FLII: variants seen among roughly 807,000 people sequenced by gnomAD.
FLII encodes FLII actin remodeling protein, also known as protein flightless-1 homolog.
FLII carries 101 observed loss-of-function variants against 156.2 expected under a neutral mutation model. The ratio of observed to expected loss-of-function variants is 0.65; its 90% confidence interval spans 0.55 to 0.76. FLII has a LOEUF of 0.76. Among genes scored for constraint, FLII ranks in the 30% least tolerant of loss-of-function variants. The probability of loss-of-function intolerance (pLI) is 0.00; values close to 1 mark genes in which losing one functional copy is unlikely to be tolerated. For missense variants in FLII, 1,675 were observed against 1,682.8 expected, an observed-to-expected ratio of 1.00 and a Z score of 0.08; for synonymous variants, 767 against 685.8, an observed-to-expected ratio of 1.12 and a Z score of -1.85.
chr17:18,246,245 G>A (rs770947928), intron 24 of FLII, 23 bp from the exon 25 acceptor site: 4 of 1,614,044 alleles, frequency 2.5e-6, no homozygotes, highest in Non-Finnish European at 2.5e-6. Context: ...TGGGGCATCA[G>A]CAAGGATTCA....
chr17:18,255,192 G>A lies in FLII; in HGVS notation c.318C>T (p.Leu106=). The change falls in exon 4 of 30, where the codon CTC becomes CTT. Residue 106 remains leucine (L), a synonymous_variant. Transcript: ENST00000327031. The stretch of plus-strand genomic sequence containing the variant: ...GTGGGTAGCCACTGACCAGGACTGA[G>A]AGATCATCTAGCTTGAAGATGTCAT... ...VPDDIFKLDD[L]SVLDLSHNQL... 2 of 1,613,676 alleles carry A rather than the reference G, an allele frequency of 1.2e-6. No individual in the cohort carries two copies. Among genetic ancestry groups the A allele is most frequent in the South Asian group, 1.1e-5 (1 of 91,076 alleles).
At position 18,248,782 on chromosome 17, in the gene FLII, C is replaced by G. The variant is rs189617745; in HGVS notation, c.2018+18G>C. On this transcript the variant is annotated intron_variant, in intron 17 of 29. Transcript: ENST00000327031. ...CACCCCTTTCCTTCACACAAAAGAC[C>G]CCACGGTGTCCTTGTACCTGGCCTT... 3.5e-4 allele frequency: 569 copies of G among 1,613,890 alleles called. 2 individuals carry two copies. The African/African-American group carries it at 4.9e-3, about 14-fold the overall frequency.
Position 18,253,540 on chromosome 17 carries a change from G to A in FLII, c.855+4C>T, listed in dbSNP as rs765842227. 6.8e-6 allele frequency: 11 copies of A among 1,612,810 alleles called. No homozygotes were observed. The highest frequency in any genetic ancestry group is 2.2e-5 in the South Asian group (2 of 91,082). ...CATCCCCCTACTGAGGGCCTCAGACGCACGGGCAGTGAGGTGAGCTGATTT... is the reference window on the plus strand; with the variant it reads ...CATCCCCCTACTGAGGGCCTCAGACACACGGGCAGTGAGGTGAGCTGATTT... On this transcript the variant is annotated splice_donor_region_variant and intron_variant, in intron 8 of 29. Coordinates refer to ENST00000327031, the MANE Select transcript of FLII (RefSeq NM_002018.4).
intron 13 of FLII, 91 bp downstream of exon 13, chr17:18,251,174 C>T: frequency 1.4e-6 from 2 of 1,479,776 alleles, no homozygotes; most frequent in Non-Finnish European, 1.8e-6. Context: ...CCCACCTGGC[C>T]TCCCTGAACA....
intron 9 of FLII, 111 bp downstream of exon 9, chr17:18,253,190 A>T: frequency 9.5e-7 from 1 of 1,056,542 alleles, no homozygotes; most frequent in Non-Finnish European, 1.4e-6. Context: ...AAGGTGAATT[A>T]ACCCATCTTC....
chr17:18,254,337 GTA>G (rs1240701997), intron 6 of FLII, among the ~76,000 whole-genome samples, 155 bp from the exon 7 acceptor site: 3 of 152,156 alleles, frequency 2.0e-5, no homozygotes, highest in Non-Finnish European at 2.9e-5. Flanking sequence ...TGCGGGGTGT[GTA>G]AGCGGGAAGA....
intron 20 of FLII, 69 bp downstream of exon 20, chr17:18,247,588 G>T: frequency 1.4e-6 from 2 of 1,389,730 alleles, no homozygotes; most frequent in Non-Finnish European, 1.9e-6. Context: ...AGGTAGTGAA[G>T]CCACAGGGGT....
At position 18,251,712 on chromosome 17, in the gene FLII, C is replaced by G; in HGVS notation, c.1351G>C (p.Asp451His). ...QAKQVLKGMS[D>H]VAQEKNKKQE... ...TTTTTGTTCTTCTCCTGGGCAACATCTGACATGCCCTTCAGCACCTGCTTG... is the reference window on the plus strand; with the variant it reads ...TTTTTGTTCTTCTCCTGGGCAACATGTGACATGCCCTTCAGCACCTGCTTG... The change falls in exon 12 of 30, where the codon GAT becomes CAT. Residue 451 changes from aspartate to histidine, a missense_variant. Physicochemically the swap from Asp to His is moderately conservative, Grantham distance 81. Coordinates refer to ENST00000327031, the MANE Select transcript of FLII (RefSeq NM_002018.4). The G allele has an allele frequency of 6.2e-7, 1 of 1,614,050 alleles. No homozygotes were observed. The highest frequency in any genetic ancestry group is 8.5e-7 in the Non-Finnish European group (1 of 1,180,028).
At chr17:18,258,761 G>A, upstream of FLII, 3 of 1,142,160 alleles carry the variant, frequency 2.6e-6, no homozygotes, top group Non-Finnish European at 3.3e-6. The surrounding 1 kb of genome is among the most constrained non-coding windows in gnomAD (Gnocchi z 4.2). Context: ...GGGAGCCGCG[G>A]GCTGGGCCAG....
chr17:18,254,205 C>A, intron 6 of FLII, 23 bp from the exon 7 acceptor site: 1 of 1,565,956 alleles, frequency 6.4e-7, no homozygotes, highest in South Asian at 1.2e-5. Context: ...CGTGAGTGGT[C>A]AGGGCCAGGG....
In FLII at chr17:18,253,644, T is replaced by C; in HGVS notation, c.755A>G (p.Asn252Ser). Reference sequence around the variant, plus strand: ...CTCCGTGATCTGGTTGCTGCTGAGGTTGAGGCGGCGCAGGCTGGGGAGGGT... The same window carrying C: ...CTCCGTGATCTGGTTGCTGCTGAGGCTGAGGCGGCGCAGGCTGGGGAGGGT... ...LYTLPSLRRL[N>S]LSSNQITELS... The change falls in exon 8 of 30, where the codon AAC becomes AGC. Residue 252 changes from asparagine (N) to serine (S), a missense_variant. Transcript: ENST00000327031. 6.2e-7 allele frequency: 1 copy of C among 1,614,012 alleles called. No individual in the cohort carries two copies. The highest frequency in any genetic ancestry group is 1.1e-5 in the South Asian group (1 of 91,088).
At chr17:18,249,516 C>T (rs1169066725) in intron 14 of FLII, 108 bp from the exon 15 acceptor site, 1 of 791,074 alleles carries the variant, frequency 1.3e-6, no homozygotes, top group Non-Finnish European at 2.1e-6. Context: ...TTGAGTGCTA[C>T]AAATCTATGA....
At position 18,251,071 on chromosome 17, in the gene FLII, C is replaced by T. The variant is rs552944277; in HGVS notation, c.1597-54G>A. On this transcript the variant is annotated intron_variant, in intron 13 of 29. Transcript: ENST00000327031. ...CTTTCATCCTGGTCTTCCGGCCACC[C>T]CGGAGACGCCACTCTGAACAGCACA... 8.6e-5 allele frequency: 133 copies of T among 1,554,862 alleles called. No individual in the cohort carries two copies. The South Asian group carries it at 1.4e-3, about 17-fold the overall frequency.
chr17:18,249,978 A>C (rs1454045110), intron 14 of FLII, among the ~76,000 whole-genome samples: 1 of 151,532 alleles, frequency 6.6e-6, no homozygotes, highest in East Asian at 1.9e-4. Flanking sequence ...AAAATTAGCT[A>C]GGCGTGGTAG....
rs191968740 is a variant in FLII at position 18,245,752 on chromosome 17, A to T, written c.3495T>A (p.Arg1165=). 3 of 1,613,562 alleles carry T rather than the reference A, an allele frequency of 1.9e-6. No homozygotes were observed. Among genetic ancestry groups the T allele is most frequent in the Admixed American group, 1.7e-5 (1 of 59,984 alleles). The part of the protein sequence containing the change: ...DDDAEYMKHT[R]LFRCSNEKGY... Reference sequence around the variant, plus strand: ...CAGGGCCCTGGCCTCACCGGAAGAGACGTGTGTGTTTCATGTACTCGGCAT... The same window carrying T: ...CAGGGCCCTGGCCTCACCGGAAGAGTCGTGTGTGTTTCATGTACTCGGCAT... The change falls in exon 27 of 30, where the codon CGT becomes CGA. Residue 1165 remains arginine, a synonymous_variant. Transcript: ENST00000327031.
In FLII at chr17:18,250,946, G is replaced by A; in HGVS notation, c.1668C>T (p.Asp556=). Residue 556 remains aspartate (D), a synonymous_variant, in exon 14 of 30, where the codon GAC becomes GAT. Coordinates refer to ENST00000327031, the MANE Select transcript of FLII (RefSeq NM_002018.4). ...YYWIGGEATL[D]KKACSAIHAV... Reference sequence around the variant, plus strand: ...CGTGGATGGCAGAGCAAGCTTTCTTGTCGAGTGTGGCCTCCCCGCCAATCC... The same window carrying A: ...CGTGGATGGCAGAGCAAGCTTTCTTATCGAGTGTGGCCTCCCCGCCAATCC... 1 of 1,613,888 alleles carries A rather than the reference G, an allele frequency of 6.2e-7. No individual in the cohort carries two copies. Among genetic ancestry groups the A allele is most frequent in the Non-Finnish European group, 8.5e-7 (1 of 1,179,962 alleles).
chr17:18,254,730 C>G, intron 5 of FLII, 39 bp downstream of exon 5: 1 of 1,613,972 alleles, frequency 6.2e-7, no homozygotes, highest in Non-Finnish European at 8.5e-7. Context: ...AGCCACCCCA[C>G]AGGGCCCACC....
intron 9 of FLII, 71 bp from the exon 10 acceptor site, chr17:18,252,627 G>T: frequency 8.0e-7 from 1 of 1,249,554 alleles, no homozygotes; most frequent in Non-Finnish European, 1.2e-6. Flanking sequence ...AAAACCCCTA[G>T]TCCTGGGGAG....
intron 11 of FLII, 51 bp from the exon 12 acceptor site, chr17:18,251,867 G>A: frequency 2.5e-6 from 4 of 1,610,692 alleles, no homozygotes; most frequent in Non-Finnish European, 2.5e-6. Context: ...CTGCCCCCTT[G>A]GGCATGCGAC....
Sources: gnomAD v4.1 joint callset for allele counts (sites outside exome capture counted in the v4.1 genomes callset) on GRCh38, gnomAD v4.1.1 for gene constraint, Gnocchi (gnomAD v3.1) non-coding constraint, MANE v1.5 for transcripts, NCBI Gene and HGNC (gene_info 2026-07-23, HGNC 2026-07-21) for gene names.